The following SVOP variants were observed in gnomAD, a reference collection of about 807,000 sequenced individuals.
SVOP encodes SV2 related protein, also known as synaptic vesicle 2-related protein.
Under a neutral mutation model 69.1 loss-of-function variants are expected in SVOP, and 17 were observed. That is an observed-to-expected ratio of 0.25 (90% confidence interval 0.17 to 0.37). The LOEUF (loss-of-function observed/expected upper bound fraction) is 0.37, where lower values mean the gene tolerates loss of function less well. Ranked by LOEUF, SVOP falls within the 10% of genes least tolerant of loss-of-function variation. The pLI is 1.00. For synonymous variants in SVOP, 238 were observed against 238.6 expected, an observed-to-expected ratio of 1.00 and a Z score of 0.02; for missense variants, 435 against 597.5, an observed-to-expected ratio of 0.73 and a Z score of 2.84.
At chr12:108,928,574 T>TC (rs1031174020) in intron 11 of SVOP, among the ~76,000 whole-genome samples, 5 of 151,572 alleles carry the variant, frequency 3.3e-5, no homozygotes, top group African/African-American at 1.2e-4. Context: ...TCTGATTTTT[T>TC]TTTTTTTTTT....
intron 6 of SVOP, among the ~76,000 whole-genome samples, chr12:108,958,369 G>C (rs1466822531): frequency 6.6e-6 from 1 of 151,548 alleles, no homozygotes; most frequent in Non-Finnish European, 1.5e-5. Context: ...TGTGTTTAGA[G>C]ATGCAAATAC....
At chr12:108,986,889 C>T (rs933024168) in intron 1 of SVOP, among the ~76,000 whole-genome samples, 13 of 152,090 alleles carry the variant, frequency 8.5e-5, no homozygotes, top group Admixed American at 2.0e-4. Context: ...TCACTCTGAG[C>T]CTCAGTTTAC....
chr12:108,942,757 A>T (rs531721651), intron 7 of SVOP, among the ~76,000 whole-genome samples: 1 of 152,178 alleles, frequency 6.6e-6, no homozygotes, highest in South Asian at 2.1e-4. Flanking sequence ...TCCATTATTT[A>T]TTTATTTGTT....
chr12:109,013,190 A>T (rs373902574), intron 1 of SVOP, among the ~76,000 whole-genome samples: 7 of 152,342 alleles, frequency 4.6e-5, no homozygotes, highest in African/African-American at 1.7e-4. Flanking sequence ...GGGATACATC[A>T]GATCCCACCC....
At chr12:108,967,362 G>A (rs1431564655) in intron 5 of SVOP, among the ~76,000 whole-genome samples, 2 of 152,054 alleles carry the variant, frequency 1.3e-5, no homozygotes, top group Non-Finnish European at 2.9e-5. Flanking sequence ...AGCCTGGCCT[G>A]GTGGCACGTG....
intron 1 of SVOP, among the ~76,000 whole-genome samples, chr12:108,993,563 G>T (rs963119499): frequency 3.3e-5 from 5 of 152,012 alleles, no homozygotes; most frequent in African/African-American, 4.8e-5. Context: ...ACCAGGAGGG[G>T]ATAAGAATTT....
chr12:109,007,211 C>A (rs1023148731), intron 1 of SVOP, among the ~76,000 whole-genome samples: 1 of 152,170 alleles, frequency 6.6e-6, no homozygotes, highest in African/African-American at 2.4e-5. Context: ...CCCAGATACC[C>A]TGGTGATGTG....
chr12:108,923,572 T>C (rs867972130), intron 11 of SVOP, among the ~76,000 whole-genome samples: 49 of 152,010 alleles, frequency 3.2e-4, no homozygotes, highest in African/African-American at 1.1e-3. Context: ...AGGACCCTGC[T>C]AAGTTGTGTC....
chr12:109,012,197 C>G lies in SVOP; in HGVS notation c.35+8637G>C, dbSNP rs1476794243. 1.8e-4 allele frequency among the ~76,000 whole-genome samples: 27 copies of G among 151,830 alleles called. 1 individual carries two copies. The highest frequency in any genetic ancestry group is 1.7e-3 in the Admixed American group (26 of 15,228). On this transcript the variant is annotated intron_variant, in intron 1 of 15. Coordinates refer to ENST00000610966, the MANE Select transcript of SVOP (RefSeq NM_018711.5). Reference sequence around the variant, plus strand: ...ACTCAGGAGGCTGAGGCAGGAGAATCGCTTGAGCCTGAGAGGTGGAGGTTG... The same window carrying G: ...ACTCAGGAGGCTGAGGCAGGAGAATGGCTTGAGCCTGAGAGGTGGAGGTTG...
At chr12:108,919,826 G>T in intron 12 of SVOP, 40 bp from the exon 13 acceptor site, 2 of 1,362,350 alleles carry the variant, frequency 1.5e-6, no homozygotes, top group South Asian at 2.5e-5. Flanking sequence ...CTTCCGATGT[G>T]ATTCCCAATG....
At chr12:108,964,339 A>G (rs1206189802) in intron 5 of SVOP, among the ~76,000 whole-genome samples, 1 of 152,118 alleles carries the variant, frequency 6.6e-6, no homozygotes, top group African/African-American at 2.4e-5. Flanking sequence ...TAACATCGGT[A>G]CTGGCCATAC....
At chr12:108,947,111 C>T (rs752814564) in intron 6 of SVOP, among the ~76,000 whole-genome samples, 1 of 152,176 alleles carries the variant, frequency 6.6e-6, no homozygotes, top group Non-Finnish European at 1.5e-5. Context: ...TTTGGCATGC[C>T]TCCATCATTC....
intron 6 of SVOP, among the ~76,000 whole-genome samples, chr12:108,946,127 C>A (rs2039921505): frequency 6.6e-6 from 1 of 152,116 alleles, no homozygotes; most frequent in South Asian, 2.1e-4. Flanking sequence ...CAGGGTGTCA[C>A]CCTATCCCCA....
chr12:108,961,077 G>C, intron 5 of SVOP, 30 bp from the exon 6 acceptor site: 1 of 1,527,070 alleles, frequency 6.5e-7, no homozygotes, highest in Non-Finnish European at 8.8e-7. Flanking sequence ...GGAATCACAA[G>C]GGCTTTTCAG....
intron 11 of SVOP, among the ~76,000 whole-genome samples, chr12:108,928,496 G>A (rs1429926804): frequency 6.6e-6 from 1 of 151,900 alleles, no homozygotes; most frequent in Non-Finnish European, 1.5e-5. Flanking sequence ...AACAGCATGT[G>A]GAGAAGGGGC....
At chr12:108,963,542 C>T (rs1251343853) in intron 5 of SVOP, among the ~76,000 whole-genome samples, 1 of 151,970 alleles carries the variant, frequency 6.6e-6, no homozygotes, top group Admixed American at 6.6e-5. Flanking sequence ...GGCTGGAGTG[C>T]AGTGGCACGA....
At chr12:109,018,120 G>T (rs1455254484) in intron 1 of SVOP, among the ~76,000 whole-genome samples, 1 of 152,002 alleles carries the variant, frequency 6.6e-6, no homozygotes, top group African/African-American at 2.4e-5. Flanking sequence ...ATGAATGAAT[G>T]AATGAATGAA....
chr12:108,988,639 G>A (rs2040179720), intron 1 of SVOP, among the ~76,000 whole-genome samples: 1 of 152,154 alleles, frequency 6.6e-6, no homozygotes, highest in Non-Finnish European at 1.5e-5. Context: ...TTTGAAATTG[G>A]AAAGTGTGAG....
At chr12:108,956,271 C>T (rs2039985345) in intron 6 of SVOP, among the ~76,000 whole-genome samples, 1 of 147,352 alleles carries the variant, frequency 6.8e-6, no homozygotes, top group Non-Finnish European at 1.5e-5. Flanking sequence ...CACTGCACTC[C>T]AGCCTGGGCG....
Sources: gnomAD v4.1 joint callset for allele counts (sites outside exome capture counted in the v4.1 genomes callset) on GRCh38, gnomAD v4.1.1 for gene constraint, MANE v1.5 for transcripts, NCBI Gene and HGNC (gene_info 2026-07-23, HGNC 2026-07-21) for gene names.